Variants in TNFSF13B observed in about 807,000 individuals in gnomAD.
TNFSF13B encodes tumor necrosis factor ligand superfamily member 13B.
TNFSF13B carries 8 observed loss-of-function variants against 29.1 expected under a neutral mutation model. The observed-to-expected ratio is 0.27, with a 90% CI of 0.16 to 0.50. The LOEUF is 0.50. Among genes scored for constraint, TNFSF13B ranks in the 20% least tolerant of loss-of-function variants. The probability of loss-of-function intolerance (pLI) is 0.98; values close to 1 mark genes in which losing one functional copy is unlikely to be tolerated. For missense variants in TNFSF13B, 248 were observed against 334.9 expected, an observed-to-expected ratio of 0.74 and a Z score of 2.03; for synonymous variants, 125 against 130.8, an observed-to-expected ratio of 0.96 and a Z score of 0.30.
At chr13:108,298,947 G>T (rs1157952510) in intron 3 of TNFSF13B, among the ~76,000 whole-genome samples, 1 of 145,492 alleles carries the variant, frequency 6.9e-6, no homozygotes, top group African/African-American at 2.6e-5. Context: ...TCCAGCCTGG[G>T]CGACAGAGCA....
chr13:108,298,992 A>C lies in TNFSF13B; in HGVS notation c.482-4261A>C, dbSNP rs889802009. On this transcript the variant is annotated intron_variant, in intron 3 of 5. Coordinates refer to ENST00000375887, the MANE Select transcript of TNFSF13B (RefSeq NM_006573.5). ...AAAAACAAACAAACAAACAAACAAAAAACAAACAAACAAACAAAACATTGC... is the reference window on the plus strand; with the variant it reads ...AAAAACAAACAAACAAACAAACAAACAACAAACAAACAAACAAAACATTGC... Among the ~76,000 whole-genome samples the C allele has an allele frequency of 6.2e-5, 8 of 129,516 alleles. 3 individuals are homozygous for C. The Middle Eastern group carries it at 0.011, about 180-fold the overall frequency. The allele number at this position is 129,516 out of a possible 152,430, so 85.0% of individuals were successfully genotyped here.
intron 2 of TNFSF13B, among the ~76,000 whole-genome samples, chr13:108,274,046 T>A (rs1880692732): frequency 6.6e-6 from 1 of 152,168 alleles, no homozygotes; most frequent in African/African-American, 2.4e-5. Context: ...TATGATTTTT[T>A]AAAATAACAT....
chr13:108,273,655 C>T (rs1160981787), intron 2 of TNFSF13B, among the ~76,000 whole-genome samples: 1 of 152,158 alleles, frequency 6.6e-6, no homozygotes, highest in Non-Finnish European at 1.5e-5. Context: ...ATCATCTCTG[C>T]ATGAGCCAGT....
chr13:108,293,058 T>C (rs181152112), intron 3 of TNFSF13B, among the ~76,000 whole-genome samples: 29 of 152,300 alleles, frequency 1.9e-4, no homozygotes, highest in Admixed American at 1.9e-3. Flanking sequence ...GTTTTATGTC[T>C]TATATTTAGG....
chr13:108,290,368 A>G (rs1881270440), intron 3 of TNFSF13B, among the ~76,000 whole-genome samples: 3 of 152,118 alleles, frequency 2.0e-5, no homozygotes, highest in Admixed American at 1.3e-4. Flanking sequence ...AACTTCTCAT[A>G]TGTCAGCCTA....
intron 5 of TNFSF13B, among the ~76,000 whole-genome samples, chr13:108,304,809 A>T (rs1177582414): frequency 2.6e-5 from 4 of 152,214 alleles, no homozygotes. Flanking sequence ...GTCATTCTGG[A>T]TCTGCAGCCA....
chr13:108,284,360 A>G lies in TNFSF13B; in HGVS notation c.425-2443A>G, dbSNP rs200482600. ...TAAATAAATAAATAAATAAATGAATAAATAAACAAACAAACAAACAAACAA... is the reference window on the plus strand; with the variant it reads ...TAAATAAATAAATAAATAAATGAATGAATAAACAAACAAACAAACAAACAA... On this transcript the variant is annotated intron_variant, in intron 2 of 5. Coordinates refer to ENST00000375887, the MANE Select transcript of TNFSF13B (RefSeq NM_006573.5). Among the ~76,000 whole-genome samples, 8 of 89,182 alleles carry G rather than the reference A, an allele frequency of 9.0e-5. 1 individual carries two copies. The highest frequency in any genetic ancestry group is 2.1e-3 in the East Asian group (2 of 956). 58.5% of individuals were successfully genotyped at this position (89,182 alleles called of 152,430 possible). A position where few individuals can be genotyped will look rare whatever the true frequency, so the allele number is the denominator to read the frequency against.
chr13:108,302,769 T>C, intron 3 of TNFSF13B: 1 of 976,086 alleles, frequency 1.0e-6, no homozygotes, highest in Non-Finnish European at 1.2e-6. Context: ...TCTTCTTTCT[T>C]CCGTAGGCTC....
chr13:108,296,414 G>A lies in TNFSF13B; in HGVS notation c.482-6839G>A, dbSNP rs149779928. 7.9e-4 allele frequency among the ~76,000 whole-genome samples: 115 copies of A among 144,778 alleles called. 18 individuals carry two copies. The highest frequency in any genetic ancestry group is 2.9e-3 in the African/African-American group (113 of 38,554). The allele number at this position is 144,778 out of a possible 152,430, so 95.0% of individuals were successfully genotyped here. A position where few individuals can be genotyped will look rare whatever the true frequency, so the allele number is the denominator to read the frequency against. On this transcript the variant is annotated intron_variant, in intron 3 of 5. Coordinates refer to ENST00000375887, the MANE Select transcript of TNFSF13B (RefSeq NM_006573.5). ...GTATTAGCCATCCCTGTTATCTTTG[G>A]CTGCTATTTGCAAGGAGGCATATTT...
intron 5 of TNFSF13B, among the ~76,000 whole-genome samples, chr13:108,304,689 C>T (rs900928454): frequency 8.5e-5 from 13 of 152,252 alleles, no homozygotes; most frequent in East Asian, 3.9e-4. Flanking sequence ...CACACAGGAA[C>T]GGAGGCTGGC....
intron 2 of TNFSF13B, among the ~76,000 whole-genome samples, chr13:108,281,570 A>G (rs1368680884): frequency 7.9e-5 from 12 of 152,064 alleles, no homozygotes; most frequent in Non-Finnish European, 1.6e-4. Flanking sequence ...CCCTCCCTTT[A>G]CAGGAGCTCG....
In TNFSF13B at chr13:108,306,020, C is replaced by T. The variant is rs530897540; in HGVS notation, c.746-806C>T. Reference sequence around the variant, plus strand: ...TGTTAGTTTCTTTATTTCTTCTCTTCCCCCATTTCCTCCTCTTTCTTCTTC... The same window carrying T: ...TGTTAGTTTCTTTATTTCTTCTCTTTCCCCATTTCCTCCTCTTTCTTCTTC... On this transcript the variant is annotated intron_variant, in intron 5 of 5. Coordinates refer to ENST00000375887, the MANE Select transcript of TNFSF13B (RefSeq NM_006573.5). 6.6e-5 allele frequency among the ~76,000 whole-genome samples: 10 copies of T among 152,230 alleles called. No individual in the cohort carries two copies. The East Asian group carries it at 1.7e-3, about 26-fold the overall frequency.
rs533530897 is a variant in TNFSF13B, at chr13:108,295,007, T to C, written c.481+8148T>C. 1.6e-4 allele frequency among the ~76,000 whole-genome samples: 23 copies of C among 145,652 alleles called. 2 individuals are homozygous for C. Among genetic ancestry groups the C allele is most frequent in the Non-Finnish European group, 2.3e-4 (15 of 65,654 alleles). ...TTTGTTGGAGTACAATTATTATAAA[T>C]AATAAAAAGGTATAGACATTTTATT... On this transcript the variant is annotated intron_variant, in intron 3 of 5. Transcript: ENST00000375887.
At chr13:108,305,934 C>T (rs1014342776) in intron 5 of TNFSF13B, among the ~76,000 whole-genome samples, 2 of 152,078 alleles carry the variant, frequency 1.3e-5, no homozygotes, top group Admixed American at 1.3e-4. Context: ...GCTAATGAAA[C>T]AATGAAACTA....
At chr13:108,289,104 G>A (rs1290112681) in intron 3 of TNFSF13B, among the ~76,000 whole-genome samples, 6 of 151,808 alleles carry the variant, frequency 4.0e-5, no homozygotes. Context: ...AAGATCTTAA[G>A]GGCCAAAGTT....
At chr13:108,291,773 A>G (rs1251318962) in intron 3 of TNFSF13B, among the ~76,000 whole-genome samples, 1 of 151,960 alleles carries the variant, frequency 6.6e-6, no homozygotes, top group Non-Finnish European at 1.5e-5. Flanking sequence ...ATCAATTTAC[A>G]TTTACTTATT....
intron 2 of TNFSF13B, among the ~76,000 whole-genome samples, chr13:108,286,090 A>G (rs1329710437): frequency 6.6e-6 from 1 of 152,190 alleles, no homozygotes; most frequent in South Asian, 2.1e-4. Context: ...CTTCCATTTT[A>G]TTTGTAAAAG....
chr13:108,283,653 T>C (rs892745995), intron 2 of TNFSF13B, among the ~76,000 whole-genome samples: 1 of 152,206 alleles, frequency 6.6e-6, no homozygotes, highest in African/African-American at 2.4e-5. Flanking sequence ...AAGGCTGTTA[T>C]AACAAAATAC....
intron 3 of TNFSF13B, among the ~76,000 whole-genome samples, chr13:108,294,024 G>A (rs1036215624): frequency 2.0e-5 from 3 of 152,190 alleles, no homozygotes; most frequent in African/African-American, 7.2e-5. Flanking sequence ...AATCCATAAC[G>A]GATGCTACTG....
Sources: gnomAD v4.1 joint callset for allele counts (sites outside exome capture counted in the v4.1 genomes callset) on GRCh38, gnomAD v4.1.1 for gene constraint, MANE v1.5 for transcripts, NCBI Gene and HGNC (gene_info 2026-07-23, HGNC 2026-07-21) for gene names.